Variants in USP18 observed in about 807,000 individuals in gnomAD.
The protein encoded by USP18 is ubl carboxyl-terminal hydrolase 18.
A neutral mutation model predicts 48.7 loss-of-function variants in USP18; 11 were observed. That is an observed-to-expected ratio of 0.23 (90% CI 0.14 to 0.37). The LOEUF (loss-of-function observed/expected upper bound fraction) is 0.37, where lower values mean the gene tolerates loss of function less well. Among genes scored for constraint, USP18 ranks in the 10% least tolerant of loss-of-function variants. The probability of loss-of-function intolerance (pLI) is 1.00; values close to 1 mark genes in which losing one functional copy is unlikely to be tolerated. For missense variants in USP18, 285 were observed against 436.4 expected, an observed-to-expected ratio of 0.65 and a Z score of 3.09; for synonymous variants, 114 against 163.2, an observed-to-expected ratio of 0.70 and a Z score of 2.30.
intron 4 of USP18, among the ~76,000 whole-genome samples, chr22:18,163,608 A>G (rs1602526242): frequency 6.6e-6 from 1 of 151,172 alleles, no homozygotes; most frequent in East Asian, 2.0e-4. Flanking sequence ...GCGCCACTGC[A>G]CTCCAGCCTG....
rs750786811 is a variant in USP18, at chr22:18,161,891, G to A, written c.356G>A (p.Arg119Gln). The change falls in exon 4 of 11, where the codon CGG becomes CAG. Residue 119 changes from arginine (R) to glutamine (Q), a missense_variant. Around this residue, in one of 5 missense-constraint regions of USP18, gnomAD observed 199 missense variants for 239.6 expected, o/e 0.83. Transcript: ENST00000215794. ...KMQDSRQKAV[R>Q]PLELAYCLQK... ...CAGGACAGCCGGCAGAAAGCAGTGC[G>A]GCCCCTGGAGCTGGCCTACTGCCTG... The A allele has an allele frequency of 1.2e-5, 19 of 1,614,020 alleles. No homozygotes were observed. The highest frequency in any genetic ancestry group is 1.7e-5 in the Admixed American group (1 of 60,008).
chr22:18,150,441 C>CA (rs66577710), intron 1 of USP18, among the ~76,000 whole-genome samples: 1 of 151,872 alleles, frequency 6.6e-6, no homozygotes, highest in African/African-American at 2.4e-5. Flanking sequence ...TTAATTAAAA[C>CA]AAAAAAAGAA....
chr22:18,157,035 ACCAG>A (rs775269180), intron 1 of USP18, among the ~76,000 whole-genome samples: 3 of 152,212 alleles, frequency 2.0e-5, no homozygotes, highest in Non-Finnish European at 4.4e-5. Flanking sequence ...ATGCCATGAG[ACCAG>A]CCCAGCACCA....
chr22:18,160,957 A>T (rs1039639771), intron 3 of USP18, among the ~76,000 whole-genome samples: 3 of 151,894 alleles, frequency 2.0e-5, no homozygotes, highest in African/African-American at 7.3e-5. Flanking sequence ...TTTAGTAGAT[A>T]TGAGTTTTCA....
chr22:18,153,289 C>A (rs62229506), intron 1 of USP18, among the ~76,000 whole-genome samples: 5 of 152,028 alleles, frequency 3.3e-5, no homozygotes, highest in Admixed American at 6.6e-5. Flanking sequence ...ATTAGCCATG[C>A]GTGGTGGCAC....
chr22:18,157,441 T>G, intron 1 of USP18, 117 bp from the exon 2 acceptor site: 1 of 557,642 alleles, frequency 1.8e-6, no homozygotes, highest in Admixed American at 2.8e-5. Context: ...GCTCTATGAG[T>G]CAGTCTCCCC....
chr22:18,170,031 T>C (rs933475139), intron 7 of USP18, 92 bp downstream of exon 7: 7 of 1,382,720 alleles, frequency 5.1e-6, no homozygotes, highest in Non-Finnish European at 7.0e-6. Context: ...CCACACACAC[T>C]CAAGTCACAC....
chr22:18,166,137 G>A (rs573030119), intron 4 of USP18, among the ~76,000 whole-genome samples: 44 of 152,184 alleles, frequency 2.9e-4, no homozygotes, highest in Admixed American at 4.6e-4. Flanking sequence ...CTTTCCTTCC[G>A]TCCTCAGTCT....
intron 8 of USP18, among the ~76,000 whole-genome samples, chr22:18,172,093 A>G (rs1191566102): frequency 3.9e-5 from 6 of 152,318 alleles, no homozygotes; most frequent in Non-Finnish European, 7.4e-5. Context: ...GCAAGACTCC[A>G]TCTTTGCAAC....
intron 8 of USP18, among the ~76,000 whole-genome samples, chr22:18,172,712 A>C (rs1289507128): frequency 6.6e-6 from 1 of 151,376 alleles, no homozygotes; most frequent in African/African-American, 2.4e-5. Context: ...GGATAATTTC[A>C]GCCTCCACTG....
intron 1 of USP18, among the ~76,000 whole-genome samples, chr22:18,154,311 C>T (rs1929071648): frequency 6.6e-6 from 1 of 152,038 alleles, no homozygotes; most frequent in African/African-American, 2.4e-5. Flanking sequence ...TCTCAGTTTT[C>T]TCATCTGTCA....
At position 18,167,881 on chromosome 22, in the gene USP18, C is replaced by G. The variant is rs772746676; in HGVS notation, c.481-9C>G. The G allele has an allele frequency of 8.1e-6, 13 of 1,612,122 alleles. No homozygotes were observed. In the East Asian group the frequency reaches 1.3e-4, roughly 17 times the overall value. On this transcript the variant is annotated splice_polypyrimidine_tract_variant and intron_variant, in intron 5 of 10. Transcript: ENST00000215794. ...TTCCCATCTCACCTCTCCGCTCTCC[C>G]TCTTGCAGGTGGAGAGACTGCAGGC... is the stretch of plus-strand genomic sequence containing the variant.
rs143179553 is a variant in USP18, at chr22:18,155,614, C to A, written c.-106-1944C>A. 6.4e-3 allele frequency among the ~76,000 whole-genome samples: 968 copies of A among 151,864 alleles called. 12 individuals carry two copies. The highest frequency in any genetic ancestry group is 0.022 in the African/African-American group (912 of 41,296). ...GGCGTGGGCTCGGCGGGCCCGCACT[C>A]GGAGCGGCCAGCCGGCCGGCCTGCA... is the stretch of plus-strand genomic sequence containing the variant. On this transcript the variant is annotated intron_variant, in intron 1 of 10. Transcript: ENST00000215794.
At chr22:18,154,933 G>A (rs1381444688) in intron 1 of USP18, among the ~76,000 whole-genome samples, 1 of 152,196 alleles carries the variant, frequency 6.6e-6, no homozygotes, top group African/African-American at 2.4e-5. Flanking sequence ...AGGAGATTAG[G>A]GAGAGGCTGA....
At chr22:18,174,268 C>G (rs1367636919) in intron 10 of USP18, among the ~76,000 whole-genome samples, 1 of 150,278 alleles carries the variant, frequency 6.7e-6, no homozygotes, top group Non-Finnish European at 1.5e-5. Context: ...GCTCTGTTGC[C>G]GGGCTGGAGT....
intron 4 of USP18, among the ~76,000 whole-genome samples, chr22:18,163,132 C>A (rs1463779095): frequency 1.3e-5 from 2 of 151,860 alleles, no homozygotes; most frequent in African/African-American, 4.8e-5. Context: ...TTTTCTGTCT[C>A]TTTGCTGAAA....
At chr22:18,174,454 T>C (rs1471808590) in intron 10 of USP18, among the ~76,000 whole-genome samples, 7 of 152,070 alleles carry the variant, frequency 4.6e-5, no homozygotes, top group African/African-American at 1.7e-4. Flanking sequence ...ATGGTCTCAG[T>C]CTCTTGACCT....
At chr22:18,163,532 A>G (rs1929386475) in intron 4 of USP18, among the ~76,000 whole-genome samples, 1 of 151,700 alleles carries the variant, frequency 6.6e-6, no homozygotes, top group African/African-American at 2.4e-5. Context: ...AGTCCCAGCT[A>G]CTCGGGAGGC....
intron 6 of USP18, among the ~76,000 whole-genome samples, chr22:18,168,348 G>A (rs1417054467): frequency 6.6e-6 from 1 of 152,084 alleles, no homozygotes; most frequent in Non-Finnish European, 1.5e-5. Context: ...TAATCCATGA[G>A]TGGATTAATT....
Sources: gnomAD v4.1 joint callset for allele counts (sites outside exome capture counted in the v4.1 genomes callset) on GRCh38, gnomAD v4.1.1 for gene constraint, gnomAD v4.1.1 regional missense constraint, MANE v1.5 for transcripts, NCBI Gene and HGNC (gene_info 2026-07-23, HGNC 2026-07-21) for gene names.